FAAH2: variants seen among roughly 807,000 people sequenced by gnomAD.
The protein encoded by FAAH2 is fatty acid amide hydrolase 2.
FAAH2 carries 60 observed loss-of-function variants against 36.9 expected under a neutral mutation model. The observed-to-expected ratio is 1.63, with a 90% confidence interval of 1.32 to 2.02. The LOEUF (loss-of-function observed/expected upper bound fraction) is 2.02, where lower values mean the gene tolerates loss of function less well. Among genes scored for constraint, FAAH2 ranks in the 30% most tolerant of loss-of-function variants. The pLI, the probability that FAAH2 is intolerant of heterozygous loss-of-function variation, is 0.00. For synonymous variants in FAAH2, 214 were observed against 143.8 expected, an observed-to-expected ratio of 1.49 and a Z score of -3.49; for missense variants, 689 against 397.5, an observed-to-expected ratio of 1.73 and a Z score of -6.23.
chrX:57,479,990 G>A (rs945498859), intron 10 of FAAH2, among the ~76,000 whole-genome samples: 6 of 111,869 alleles, frequency 5.4e-5, no homozygotes, highest in Non-Finnish European at 1.1e-4. Flanking sequence ...ACACCGCTAT[G>A]CAAATAAACT....
intron 3 of FAAH2, among the ~76,000 whole-genome samples, chrX:57,327,462 G>C (rs1310911300): frequency 5.5e-5 from 6 of 109,320 alleles, no homozygotes; most frequent in South Asian, 8.0e-4. Context: ...TTCTCCCCGT[G>C]ACTTTCAGGT....
chrX:57,322,286 G>A (rs1418223737), intron 3 of FAAH2, among the ~76,000 whole-genome samples: 3 of 111,604 alleles, frequency 2.7e-5, no homozygotes, highest in South Asian at 7.3e-4. Flanking sequence ...CACCGCACCC[G>A]GCCTGCATTT....
the FAAH2 span, among the ~76,000 whole-genome samples, chrX:57,268,595 G>A: frequency 9.0e-6 from 1 of 111,615 alleles, no homozygotes; most frequent in Non-Finnish European, 1.9e-5. Context: ...TTAAAGGGAG[G>A]TAGAGAGAAG....
At chrX:57,300,453 T>A (rs900713888) in intron 2 of FAAH2, among the ~76,000 whole-genome samples, 1 of 111,931 alleles carries the variant, frequency 8.9e-6, no homozygotes, top group African/African-American at 3.3e-5. Context: ...TATACAAAAA[T>A]TAATTCAAGA....
chrX:57,206,126 A>G, the FAAH2 span, among the ~76,000 whole-genome samples: 1 of 111,743 alleles, frequency 8.9e-6, no homozygotes, highest in Non-Finnish European at 1.9e-5. Flanking sequence ...CTTGCTTTTC[A>G]ATTAGCTGCA....
the FAAH2 span, among the ~76,000 whole-genome samples, chrX:57,140,417 CAAAAA>C: frequency 8.2e-3 from 534 of 64,788 alleles, 5 homozygotes; most frequent in African/African-American, 0.034. Flanking sequence ...CCATCTCTAC[CAAAAA>C]AAAAAAAAAA....
chrX:57,183,238 C>CA, the FAAH2 span, among the ~76,000 whole-genome samples: 2 of 110,864 alleles, frequency 1.8e-5, no homozygotes, highest in Non-Finnish European at 3.8e-5. Flanking sequence ...TCTTGTATTA[C>CA]AAAAAAAGTA....
intron 3 of FAAH2, 103 bp from the exon 4 acceptor site, chrX:57,331,495 G>T: frequency 1.6e-6 from 1 of 624,588 alleles, no homozygotes; most frequent in Non-Finnish European, 2.5e-6. Flanking sequence ...CTTTGTGGGA[G>T]ATGTTCCTTC....
intron 7 of FAAH2, chrX:57,394,329 C>T (rs2055240140): frequency 8.1e-6 from 9 of 1,113,837 alleles, no homozygotes; most frequent in Non-Finnish European, 1.1e-5. Context: ...CCAGTCACCA[C>T]CTGATATTTC....
At chrX:57,419,065 G>A (rs775541500) in intron 7 of FAAH2, among the ~76,000 whole-genome samples, 1,148 of 106,530 alleles carry the variant, frequency 0.011, 14 homozygotes, top group African/African-American at 0.037. Context: ...TTTTATGGCT[G>A]CATAGTATTC....
intron 7 of FAAH2, among the ~76,000 whole-genome samples, chrX:57,389,152 G>A (rs1160021791): frequency 9.6e-6 from 1 of 104,611 alleles, no homozygotes; most frequent in Non-Finnish European, 2.0e-5. Flanking sequence ...GAAATCTTGA[G>A]ATTGTCTTCC....
intron 5 of FAAH2, among the ~76,000 whole-genome samples, chrX:57,344,663 C>T: frequency 1.8e-5 from 2 of 110,942 alleles, no homozygotes; most frequent in East Asian, 5.7e-4. Flanking sequence ...TGTCTTACTG[C>T]AGGTCTCAAG....
At chrX:57,459,206 G>A (rs896700824) in intron 10 of FAAH2, among the ~76,000 whole-genome samples, 1 of 112,416 alleles carries the variant, frequency 8.9e-6, no homozygotes, top group Admixed American at 9.4e-5. Flanking sequence ...TGCTAACAAG[G>A]CCTGAAAGTA....
At chrX:57,460,202 G>C (rs766684362) in intron 10 of FAAH2, among the ~76,000 whole-genome samples, 1 of 111,848 alleles carries the variant, frequency 8.9e-6, no homozygotes, top group East Asian at 2.8e-4. Flanking sequence ...TGAAAGTGAT[G>C]AGGAGAATGG....
At chrX:57,168,574 G>A in the FAAH2 span, among the ~76,000 whole-genome samples, 1 of 111,884 alleles carries the variant, frequency 8.9e-6, no homozygotes, top group Non-Finnish European at 1.9e-5. Context: ...AATTCAAACA[G>A]TGAGAAACCT....
chrX:57,269,267 A>G, the FAAH2 span, among the ~76,000 whole-genome samples: 1 of 111,470 alleles, frequency 9.0e-6, no homozygotes, highest in Non-Finnish European at 1.9e-5. Context: ...CTACCACACA[A>G]TAATAGTGGG....
At chrX:57,125,948 T>C in the FAAH2 span, among the ~76,000 whole-genome samples, 11 of 112,140 alleles carry the variant, frequency 9.8e-5, no homozygotes, top group Admixed American at 3.8e-4. Flanking sequence ...ATATTGTATA[T>C]GTTGGGGTAT....
the FAAH2 span, among the ~76,000 whole-genome samples, chrX:57,215,110 C>CAA: frequency 0.015 from 1,146 of 78,175 alleles, 17 homozygotes; most frequent in African/African-American, 0.018. Flanking sequence ...AACAAACTTA[C>CAA]AAAAAAAAAA....
At chrX:57,405,967 G>A (rs2055558261) in intron 7 of FAAH2, among the ~76,000 whole-genome samples, 1 of 108,180 alleles carries the variant, frequency 9.2e-6, no homozygotes. Flanking sequence ...TTTTGGTTAG[G>A]ATCCATTGCT....
Sources: gnomAD v4.1 joint callset for allele counts (sites outside exome capture counted in the v4.1 genomes callset) on GRCh38, gnomAD v4.1.1 for gene constraint, MANE v1.5 for transcripts, NCBI Gene and HGNC (gene_info 2026-07-23, HGNC 2026-07-21) for gene names.